The following TNRC6B variants were observed in gnomAD, a reference collection of about 807,000 sequenced individuals.
TNRC6B encodes the protein trinucleotide repeat-containing gene 6B protein.
In TNRC6B, 52 loss-of-function variants were observed where a neutral mutation model predicts 203.6. That is an observed-to-expected ratio of 0.26 (90% confidence interval 0.20 to 0.32). TNRC6B has a LOEUF of 0.32. Ranked by LOEUF, TNRC6B falls within the 10% of genes least tolerant of loss-of-function variation. TNRC6B has a pLI of 1.00. For missense variants in TNRC6B, 1,923 were observed against 2,286.2 expected (o/e 0.84, Z 3.24); for synonymous variants, 838 against 845.7 (o/e 0.99, Z 0.16).
At position 40,047,733 on chromosome 22, in the gene TNRC6B, A is replaced by T. The variant is rs971571036; in HGVS notation, c.-121+2735A>T. On this transcript the variant is annotated intron_variant, in intron 1 of 23. Transcript: ENST00000301923. The stretch of plus-strand genomic sequence containing the variant: ...GATTGTAAAAATACATTTTAGCTCA[A>T]GAGTTCAAGGCTTTCAGAGCCCTTT... 2.6e-5 allele frequency among the ~76,000 whole-genome samples: 4 copies of T among 152,358 alleles called. No individual in the cohort carries two copies. In the East Asian group the frequency reaches 7.7e-4, roughly 29 times the overall value.
chr22:40,299,144 C>CAAAA (rs1252985941), intron 12 of TNRC6B, among the ~76,000 whole-genome samples: 2 of 43,930 alleles, frequency 4.6e-5, no homozygotes, highest in Non-Finnish European at 4.9e-5. Flanking sequence ...GACCCTGTCT[C>CAAAA]AAAAAAAAAA....
intron 2 of TNRC6B, among the ~76,000 whole-genome samples, chr22:40,119,149 CT>C: frequency 6.6e-6 from 1 of 152,186 alleles, no homozygotes; most frequent in African/African-American, 2.4e-5. Context: ...TAGGACATTA[CT>C]TGTATTTAGT....
At chr22:40,104,157 A>G (rs1219901780) in intron 1 of TNRC6B, among the ~76,000 whole-genome samples, 2 of 152,054 alleles carry the variant, frequency 1.3e-5, no homozygotes, top group African/African-American at 2.4e-5. Flanking sequence ...AGGCTGAGGC[A>G]GGAGAATCAC....
chr22:40,241,622 A>G (rs186673208), intron 1 of TNRC6B, among the ~76,000 whole-genome samples: 19 of 152,346 alleles, frequency 1.2e-4, no homozygotes, highest in African/African-American at 4.3e-4. Context: ...GCATCCTGTC[A>G]TGTAACTCAC....
chr22:40,067,391 A>G (rs1349229746), intron 1 of TNRC6B, among the ~76,000 whole-genome samples: 2 of 152,142 alleles, frequency 1.3e-5, no homozygotes, highest in African/African-American at 4.8e-5. Context: ...CTCTGGATAT[A>G]TTAGGGTTCT....
chr22:40,292,372 A>T (rs1287507346), intron 12 of TNRC6B, among the ~76,000 whole-genome samples: 1 of 149,176 alleles, frequency 6.7e-6, no homozygotes, highest in Non-Finnish European at 1.5e-5. Context: ...AAAAAAAAGG[A>T]TGACACTGAA....
chr22:40,158,804 G>A (rs1302808382), intron 4 of TNRC6B, among the ~76,000 whole-genome samples: 3 of 152,166 alleles, frequency 2.0e-5, no homozygotes, highest in East Asian at 1.9e-4. Flanking sequence ...CGTCTCACAA[G>A]GTGCTGTGAG....
intron 21 of TNRC6B, among the ~76,000 whole-genome samples, chr22:40,316,325 G>T (rs2071258661): frequency 6.6e-6 from 1 of 150,542 alleles, no homozygotes; most frequent in African/African-American, 2.5e-5. Flanking sequence ...GTGCACTCCA[G>T]CCTGGGCGAC....
chr22:40,137,073 G>C (rs887487896), intron 3 of TNRC6B, among the ~76,000 whole-genome samples: 6 of 92,074 alleles, frequency 6.5e-5, no homozygotes, highest in Non-Finnish European at 1.1e-4. Context: ...CAAGAAAAGT[G>C]TTACACAGAA....
rs1428781730 is a variant in TNRC6B, at chr22:40,266,626, A to G, written c.2396A>G (p.Asp799Gly). ...CTAGCTTCAAAAGGTGGGTGGGAGG[A>G]TTGCAAAAGATCCCCAGCATGGAAT... is the stretch of plus-strand genomic sequence containing the variant. Reference protein sequence around the residue: ...ASLASKGGWEDCKRSPAWNET... With the variant: ...ASLASKGGWEGCKRSPAWNET... Residue 799 changes from aspartate to glycine, a missense_variant, in exon 5 of 23, where the codon GAT (aspartate) becomes GGT (glycine). By Grantham distance (94) the Asp-to-Gly change is moderately conservative. Around this residue, in one of 8 missense-constraint regions of TNRC6B, gnomAD observed 599 missense variants for 656.5 expected, o/e 0.91. Transcript: ENST00000454349. 6.2e-7 allele frequency: 1 copy of G among 1,611,014 alleles called. No homozygotes were observed. Among genetic ancestry groups the G allele is most frequent in the Non-Finnish European group, 8.5e-7 (1 of 1,178,220 alleles).
In TNRC6B at chr22:40,324,333, G is replaced by GT. The variant is rs1222029769; in HGVS notation, c.*1093dup. The GT allele has an allele frequency of 6.6e-6, 1 of 151,932 alleles. No individual in the cohort carries two copies. Among genetic ancestry groups the GT allele is most frequent in the Non-Finnish European group, 1.5e-5 (1 of 67,930 alleles). The allele number at this position is 151,932 out of a possible 1,614,324, so 9.4% of individuals were successfully genotyped here. A position where few individuals can be genotyped will look rare whatever the true frequency, so the allele number is the denominator to read the frequency against. ...GTGAATGGCCACCAGGCACATCTGA[G>GT]TATCTGTTAAGTTTCATGCAGGCCT... is the stretch of plus-strand genomic sequence containing the variant. On this transcript the variant is annotated 3_prime_UTR_variant, in exon 23 of 23. Coordinates refer to ENST00000454349, the MANE Select transcript of TNRC6B (RefSeq NM_001162501.2).
At chr22:40,094,258 G>T (rs558491231) in intron 1 of TNRC6B, among the ~76,000 whole-genome samples, 3 of 152,166 alleles carry the variant, frequency 2.0e-5, no homozygotes, top group Admixed American at 1.3e-4. Context: ...TGGAATTTAA[G>T]ATGCCATCAT....
rs539074375 is a variant in TNRC6B at position 40,271,389 on chromosome 22, A to G, written c.2965+1109A>G. Among the ~76,000 whole-genome samples the G allele has an allele frequency of 3.9e-5, 6 of 152,352 alleles. No homozygotes were observed. The East Asian group carries it at 1.2e-3, about 29-fold the overall frequency. ...TAAATTCTGTTAAGTTTATCACATT[A>G]TATTCAGTACTCTTACAGTGCCACA... On this transcript the variant is annotated intron_variant, in intron 6 of 22. Transcript: ENST00000454349.
intron 1 of TNRC6B, among the ~76,000 whole-genome samples, chr22:40,222,761 T>TTTTTTTG (rs2069730944): frequency 1.0e-5 from 1 of 97,880 alleles, no homozygotes; most frequent in East Asian, 4.7e-4. Context: ...TTTTTTTTTT[T>TTTTTTTG]GAGACGGAGT....
chr22:40,177,464 A>G (rs138573913), upstream of TNRC6B, among the ~76,000 whole-genome samples: 7 of 152,194 alleles, frequency 4.6e-5, no homozygotes, highest in Non-Finnish European at 8.8e-5. Context: ...GTCTTTTTCT[A>G]TACATTTTAG....
chr22:40,168,983 C>T (rs2068945461), intron 4 of TNRC6B, among the ~76,000 whole-genome samples: 1 of 152,236 alleles, frequency 6.6e-6, no homozygotes, highest in Admixed American at 6.5e-5. Context: ...GATTTACATG[C>T]CTGTCTTTCC....
chr22:40,109,268 G>C (rs1214814154), intron 1 of TNRC6B, among the ~76,000 whole-genome samples: 2 of 152,102 alleles, frequency 1.3e-5, no homozygotes, highest in Non-Finnish European at 2.9e-5. Context: ...CTTTATAATA[G>C]AATGATTTAT....
chr22:40,297,086 C>T (rs916866965), intron 12 of TNRC6B, among the ~76,000 whole-genome samples: 1 of 152,198 alleles, frequency 6.6e-6, no homozygotes, highest in African/African-American at 2.4e-5. Context: ...AGTTTGCTAA[C>T]AAGTTTTCAT....
At chr22:40,048,877 G>A (rs1332366958) in intron 1 of TNRC6B, among the ~76,000 whole-genome samples, 2 of 151,526 alleles carry the variant, frequency 1.3e-5, no homozygotes, top group Non-Finnish European at 2.9e-5. Flanking sequence ...GTTTCGCTCT[G>A]TCGCCCAGGC....
Sources: gnomAD v4.1 joint callset for allele counts (sites outside exome capture counted in the v4.1 genomes callset) on GRCh38, gnomAD v4.1.1 for gene constraint, gnomAD v4.1.1 regional missense constraint, MANE v1.5 for transcripts, NCBI Gene and HGNC (gene_info 2026-07-23, HGNC 2026-07-21) for gene names.